The following CRYM variants were observed in gnomAD, a reference collection of about 807,000 sequenced individuals.
CRYM encodes crystallin mu, also known as ketimine reductase mu-crystallin.
CRYM carries 18 observed loss-of-function variants against 32.9 expected under a neutral mutation model. That is an observed-to-expected ratio of 0.55 (90% confidence interval 0.38 to 0.81). The LOEUF (loss-of-function observed/expected upper bound fraction) is 0.81, where lower values mean the gene tolerates loss of function less well. CRYM is among the 30% of genes least tolerant of loss of function. CRYM has a pLI of 0.00. For missense variants in CRYM, 337 were observed against 393.5 expected (o/e 0.86, Z 1.21); for synonymous variants, 153 against 152.4 (o/e 1.00, Z -0.03).
At chr16:21,272,314 C>T (rs901857705) in intron 3 of CRYM, among the ~76,000 whole-genome samples, 5 of 152,084 alleles carry the variant, frequency 3.3e-5, no homozygotes, top group African/African-American at 1.2e-4. Context: ...TTGCATTTGC[C>T]AAGGCCTTGC....
chr16:21,285,931 T>C (rs1035101502), intron 1 of CRYM, among the ~76,000 whole-genome samples: 2 of 152,226 alleles, frequency 1.3e-5, no homozygotes, highest in African/African-American at 4.8e-5. Flanking sequence ...ATCAGTTTAG[T>C]CCCATGTAGC....
At position 21,263,900 on chromosome 16, in the gene CRYM, T is replaced by C. The variant is rs191235282; in HGVS notation, c.674-1742A>G. The stretch of plus-strand genomic sequence containing the variant: ...AATCATTACCACGTGTGAATGTAGA[T>C]CCACTGTTACCAGATATGCCCCAGT... On this transcript the variant is annotated intron_variant, in intron 5 of 7. Coordinates refer to ENST00000572914, the MANE Select transcript of CRYM (RefSeq NM_001376256.1). Among the ~76,000 whole-genome samples the C allele has an allele frequency of 2.4e-4, 37 of 152,336 alleles. No individual in the cohort carries two copies. In the East Asian group the frequency reaches 7.1e-3, roughly 29 times the overall value.
intron 5 of CRYM, among the ~76,000 whole-genome samples, chr16:21,264,896 C>A (rs1340935835): frequency 6.6e-6 from 1 of 152,190 alleles, no homozygotes; most frequent in Non-Finnish European, 1.5e-5. Context: ...CCTGCCACAC[C>A]ATGGGAGCCT....
upstream of CRYM, among the ~76,000 whole-genome samples, chr16:21,281,109 ACT>A (rs34104117): frequency 4.0e-3 from 511 of 126,906 alleles, 1 homozygote; most frequent in Admixed American, 6.1e-3. Flanking sequence ...TCTCTCTCTC[ACT>A]CTCTCTCTCT....
At position 21,261,288 on chromosome 16, in the gene CRYM, G is replaced by C; in HGVS notation, c.846C>G (p.Ala282=). Residue 282 remains alanine (A), a synonymous_variant, in exon 7 of 8, where the codon GCC becomes GCG. Coordinates refer to ENST00000572914, the MANE Select transcript of CRYM (RefSeq NM_001376256.1). ...LGEVIKGVKP[A]HCEKTTVFKS... is the part of the protein sequence containing the mutation. ...TGAACACGGTGGTCTTCTCACAGTGGGCTGGTTTCACTCCCTTAATCACTT... is the reference window on the plus strand; with the variant it reads ...TGAACACGGTGGTCTTCTCACAGTGCGCTGGTTTCACTCCCTTAATCACTT... The C allele has an allele frequency of 6.2e-7, 1 of 1,613,964 alleles. No homozygotes were observed. Among genetic ancestry groups the C allele is most frequent in the Admixed American group, 1.7e-5 (1 of 60,016 alleles).
At chr16:21,261,461 AAAAGAGAGAG>A (rs1703827434) in intron 6 of CRYM, 123 bp from the exon 7 acceptor site, 1 of 730,626 alleles carries the variant, frequency 1.4e-6, no homozygotes, top group Non-Finnish European at 2.4e-6. Flanking sequence ...AAAAAAAAAA[AAAAGAGAGAG>A]ATCCTTTGTA....
rs141595341 is a variant in CRYM, at chr16:21,269,858, T to C, written c.421A>G (p.Ile141Val). 1.3e-4 allele frequency: 200 copies of C among 1,553,162 alleles called. 2 individuals carry two copies. Among genetic ancestry groups the C allele is most frequent in the South Asian group, 1.0e-3 (93 of 90,240 alleles). Residue 141 changes from isoleucine to valine, a missense_variant, in exon 4 of 8, where the codon ATC becomes GTC. Transcript: ENST00000572914. ...LKPPSSEVLC[I>V]LGAGVQAYSH... is the part of the protein sequence containing the mutation. ...TAGGCCTGGACCCCAGCCCCAAGGATGCACAGCACTTCACTGCTGGGAGGT... is the reference window on the plus strand; with the variant it reads ...TAGGCCTGGACCCCAGCCCCAAGGACGCACAGCACTTCACTGCTGGGAGGT...
Position 21,267,646 on chromosome 16 carries a change from G to A in CRYM, c.581C>T (p.Ala194Val). ...GATGATCACATCTGCACCTGCCACA[G>A]CCTCCTGGACCGAAGAACAGACCCG... is the stretch of plus-strand genomic sequence containing the variant. Reference protein sequence around the residue: ...EVRVCSSVQEAVAGADVIITV... With the variant: ...EVRVCSSVQEVVAGADVIITV... Residue 194 changes from alanine to valine, a missense_variant, in exon 5 of 8, where the codon GCT becomes GTT. Physicochemically the swap from Ala to Val is moderately conservative, Grantham distance 64 (BLOSUM62 0). Coordinates refer to ENST00000572914, the MANE Select transcript of CRYM (RefSeq NM_001376256.1). 1 of 1,614,174 alleles carries A rather than the reference G, an allele frequency of 6.2e-7. No homozygotes were observed. The highest frequency in any genetic ancestry group is 8.5e-7 in the Non-Finnish European group (1 of 1,180,028).
intron 1 of CRYM, among the ~76,000 whole-genome samples, chr16:21,290,644 T>G (rs1284888637): frequency 6.6e-6 from 1 of 152,216 alleles, no homozygotes. Context: ...AACTCAGTCT[T>G]GAAGTCTTAC....
intron 4 of CRYM, among the ~76,000 whole-genome samples, chr16:21,269,005 G>A (rs1255347250): frequency 5.9e-5 from 9 of 152,106 alleles, no homozygotes; most frequent in Non-Finnish European, 1.5e-5. Context: ...TTAGCCAGGT[G>A]TGGTAGTGGG....
chr16:21,268,080 G>T (rs1445437484), intron 4 of CRYM, among the ~76,000 whole-genome samples: 2 of 152,190 alleles, frequency 1.3e-5, no homozygotes, highest in East Asian at 3.8e-4. Flanking sequence ...TCTGGAGCCA[G>T]GTAGGCTTGG....
At chr16:21,282,875 T>C (rs1286780607), upstream of CRYM, among the ~76,000 whole-genome samples, 2 of 152,122 alleles carry the variant, frequency 1.3e-5, no homozygotes, top group Non-Finnish European at 2.9e-5. Context: ...ATAATAAGTA[T>C]TATTAATAAG....
chr16:21,278,913 T>A (rs935320662), upstream of CRYM: 1 of 152,192 alleles, frequency 6.6e-6, no homozygotes, highest in Non-Finnish European at 1.5e-5. Context: ...ATCTTTTCCA[T>A]CTCACAAAAA....
chr16:21,278,497 C>T, upstream of CRYM: 1 of 589,350 alleles, frequency 1.7e-6, no homozygotes, highest in South Asian at 2.0e-5. Flanking sequence ...ATCGCGGTGG[C>T]GTGCTGGGAG....
At chr16:21,296,749 G>A (rs764212796) in intron 1 of CRYM, among the ~76,000 whole-genome samples, 2 of 152,244 alleles carry the variant, frequency 1.3e-5, no homozygotes, top group Non-Finnish European at 2.9e-5. Flanking sequence ...GGGGGCTCAC[G>A]CCTGTAATCC....
intron 4 of CRYM, 39 bp downstream of exon 4, chr16:21,269,751 C>A: frequency 9.3e-7 from 1 of 1,071,288 alleles, no homozygotes; most frequent in Non-Finnish European, 1.4e-6. Flanking sequence ...AAGGACCACC[C>A]CCTTCCCTCT....
intron 3 of CRYM, among the ~76,000 whole-genome samples, chr16:21,270,723 T>A (rs2093373712): frequency 6.6e-6 from 1 of 152,232 alleles, no homozygotes; most frequent in Non-Finnish European, 1.5e-5. Context: ...TTCTAAGAGC[T>A]GCCTGGATTC....
intron 1 of CRYM, among the ~76,000 whole-genome samples, chr16:21,295,713 A>T (rs569493690): frequency 1.1e-4 from 17 of 152,314 alleles, no homozygotes; most frequent in African/African-American, 4.1e-4. Flanking sequence ...TGGGCAGATC[A>T]CCTGAGGTCA....
chr16:21,293,451 A>T (rs1206793644), intron 1 of CRYM, among the ~76,000 whole-genome samples: 1 of 152,184 alleles, frequency 6.6e-6, no homozygotes, highest in Admixed American at 6.5e-5. Context: ...ATCCATCATG[A>T]GCTGGGAAAT....
Sources: allele counts gnomAD v4.1 joint callset (sites outside exome capture counted in the v4.1 genomes callset), GRCh38; gene constraint gnomAD v4.1.1; transcripts MANE v1.5; gene names NCBI Gene and HGNC (gene_info 2026-07-23, HGNC 2026-07-21).